Variants in CLMN observed in about 807,000 individuals in gnomAD.
CLMN encodes calmin.
In CLMN, 57 loss-of-function variants were observed where a neutral mutation model predicts 92.7. The observed-to-expected ratio is 0.61, with a 90% CI of 0.50 to 0.77. CLMN has a LOEUF of 0.77. Ranked by LOEUF, CLMN falls within the 30% of genes least tolerant of loss-of-function variation. The probability of loss-of-function intolerance (pLI) is 0.00; values close to 1 mark genes in which losing one functional copy is unlikely to be tolerated. For synonymous variants in CLMN, 466 were observed against 470.6 expected (o/e 0.99, Z 0.13); for missense variants, 1,158 against 1,237.5 (o/e 0.94, Z 0.96).
rs1318780873 is a variant in CLMN at position 95,204,054 on chromosome 14, G to C, written c.1295C>G (p.Thr432Ser). Residue 432 changes from threonine (T) to serine (S), a missense_variant, in exon 9 of 13, where the codon ACC becomes AGC. Thr to Ser is a moderately conservative substitution (Grantham distance 58). Transcript: ENST00000298912. ...CTTACTGCAGAAAGGATCCTTGTAG[G>C]TGTCAGCCTCAAAGTGAACTGTTTT... ...IKKTVHFEAD[T>S]YKDPFCSKNL... 6.2e-7 allele frequency: 1 copy of C among 1,614,168 alleles called. No individual in the cohort carries two copies. Among genetic ancestry groups the C allele is most frequent in the Non-Finnish European group, 8.5e-7 (1 of 1,180,038 alleles).
chr14:95,210,197 C>A (rs1280834090), intron 7 of CLMN, among the ~76,000 whole-genome samples: 1 of 152,126 alleles, frequency 6.6e-6, no homozygotes, highest in Non-Finnish European at 1.5e-5. Flanking sequence ...GGATTACAGA[C>A]TGCGCCACCA....
Position 95,194,028 on chromosome 14 carries a change from C to T in CLMN, c.2770-109G>A, listed in dbSNP as rs2140558067. On this transcript the variant is annotated intron_variant, in intron 11 of 12. Transcript: ENST00000298912. This position sits in a 1 kb window ranked among gnomAD's most constrained non-coding sequence, Gnocchi z 4.0. ...AACACACAAAGCCGAGCATGCCGGG[C>T]ATTTCTCAATACCGCCAGCGTCTAG... 1 of 1,522,120 alleles carries T rather than the reference C, an allele frequency of 6.6e-7. No individual in the cohort carries two copies. Among genetic ancestry groups the T allele is most frequent in the East Asian group, 2.4e-5 (1 of 41,424 alleles). The allele number at this position is 1,522,120 out of a possible 1,614,324, so 94.3% of individuals were successfully genotyped here.
intron 1 of CLMN, among the ~76,000 whole-genome samples, chr14:95,236,636 G>C (rs1898067484): frequency 6.6e-6 from 1 of 152,188 alleles, no homozygotes; most frequent in Admixed American, 6.5e-5. Flanking sequence ...GAGGCCATTG[G>C]GGGGCCTGTG....
intron 1 of CLMN, 96 bp downstream of exon 1, chr14:95,319,615 G>A (rs2140813028): frequency 2.0e-6 from 2 of 999,446 alleles, no homozygotes; most frequent in Non-Finnish European, 2.9e-6. Context: ...AGCGGCCGGC[G>A]AGCGGGGGCG....
chr14:95,282,987 G>A (rs1298979950), intron 1 of CLMN, among the ~76,000 whole-genome samples: 3 of 152,196 alleles, frequency 2.0e-5, no homozygotes, highest in African/African-American at 4.8e-5. Flanking sequence ...CAGGGCAGTC[G>A]GGCTGGAGCA....
intron 6 of CLMN, among the ~76,000 whole-genome samples, chr14:95,212,207 GCT>G (rs1242791365): frequency 6.6e-6 from 1 of 152,234 alleles, no homozygotes; most frequent in Admixed American, 6.5e-5. Flanking sequence ...TGTGCAAGGT[GCT>G]CTTTCATGGA....
In CLMN at chr14:95,294,581, T is replaced by C. The variant is rs1900731511; in HGVS notation, c.82+25130A>G. 6.6e-6 allele frequency among the ~76,000 whole-genome samples: 1 copy of C among 152,226 alleles called. No individual in the cohort carries two copies. Among genetic ancestry groups the C allele is most frequent in the South Asian group, 2.1e-4 (1 of 4,832 alleles). The stretch of plus-strand genomic sequence containing the variant: ...CACATGATCTTGGGAAGTTACCTCC[T>C]GGTCTCTACCTTGTAGAAAAGGGCA... On this transcript the variant is annotated intron_variant, in intron 1 of 12. Transcript: ENST00000298912. This position sits in a 1 kb window ranked among gnomAD's most constrained non-coding sequence, Gnocchi z 4.2.
At chr14:95,273,474 G>A (rs901085280) in intron 1 of CLMN, among the ~76,000 whole-genome samples, 1 of 152,104 alleles carries the variant, frequency 6.6e-6, no homozygotes, top group Non-Finnish European at 1.5e-5. Context: ...GCCAACTTCC[G>A]TCATCTGATA....
intron 9 of CLMN, 140 bp downstream of exon 9, chr14:95,202,698 C>G (rs1896917999): frequency 2.2e-6 from 2 of 905,882 alleles, no homozygotes; most frequent in Non-Finnish European, 1.6e-6. Context: ...CAGTAGGTGC[C>G]TCTTTGAATT....
intron 1 of CLMN, among the ~76,000 whole-genome samples, chr14:95,255,368 G>A (rs1898955955): frequency 6.6e-6 from 1 of 152,210 alleles, no homozygotes; most frequent in Non-Finnish European, 1.5e-5. Context: ...GATGTTCTGA[G>A]AGAGAGGGTG....
At chr14:95,284,306 G>T (rs1242423378) in intron 1 of CLMN, among the ~76,000 whole-genome samples, 1 of 152,218 alleles carries the variant, frequency 6.6e-6, no homozygotes, top group Non-Finnish European at 1.5e-5. Context: ...CAGGGGCAGG[G>T]CCCTCATGGA....
chr14:95,220,792 G>C (rs1200818516), intron 4 of CLMN, among the ~76,000 whole-genome samples: 3 of 152,202 alleles, frequency 2.0e-5, no homozygotes. Flanking sequence ...ATGCTGAGAC[G>C]ACCACAAAGC....
At chr14:95,193,226 C>A (rs1273640256) in intron 12 of CLMN, 1 of 774,128 alleles carries the variant, frequency 1.3e-6, no homozygotes, top group Non-Finnish European at 2.1e-6. Context: ...GAATTTGAGA[C>A]GTTTTTCTGG....
chr14:95,225,803 C>A (rs535568940), intron 2 of CLMN, among the ~76,000 whole-genome samples: 2 of 152,286 alleles, frequency 1.3e-5, no homozygotes, highest in East Asian at 3.9e-4. Flanking sequence ...AGGAAAAGAG[C>A]CAGAAGCCCC....
At chr14:95,288,288 G>T (rs956657614) in intron 1 of CLMN, among the ~76,000 whole-genome samples, 114 of 152,290 alleles carry the variant, frequency 7.5e-4, no homozygotes, top group African/African-American at 2.6e-3. Context: ...GAGGACTAAG[G>T]TGCCCTGGGA....
intron 8 of CLMN, 68 bp from the exon 9 acceptor site, chr14:95,204,531 G>A (rs779310381): frequency 7.4e-6 from 10 of 1,360,266 alleles, no homozygotes; most frequent in Non-Finnish European, 9.8e-6. Context: ...AAAGCACAGA[G>A]CAACATGAGT....
chr14:95,241,834 T>C (rs1278786901), intron 1 of CLMN, among the ~76,000 whole-genome samples: 1 of 152,156 alleles, frequency 6.6e-6, no homozygotes, highest in Non-Finnish European at 1.5e-5. Flanking sequence ...CACGCCTGTG[T>C]GTGTGCGTGT....
intron 1 of CLMN, among the ~76,000 whole-genome samples, chr14:95,264,443 A>T (rs909895851): frequency 6.6e-5 from 10 of 152,172 alleles, no homozygotes; most frequent in African/African-American, 2.4e-4. Context: ...AGTCCCGTAA[A>T]ACATTCAGTC....
intron 1 of CLMN, among the ~76,000 whole-genome samples, chr14:95,249,529 T>C (rs1055905244): frequency 6.6e-6 from 1 of 152,158 alleles, no homozygotes; most frequent in African/African-American, 2.4e-5. Flanking sequence ...ATGCTGCTGG[T>C]TGCCTCCCCA....
Sources: gnomAD v4.1 joint callset for allele counts (sites outside exome capture counted in the v4.1 genomes callset) on GRCh38, gnomAD v4.1.1 for gene constraint, Gnocchi (gnomAD v3.1) non-coding constraint, MANE v1.5 for transcripts, NCBI Gene and HGNC (gene_info 2026-07-23, HGNC 2026-07-21) for gene names.